FMNL1: variants seen among roughly 807,000 people sequenced by gnomAD.
FMNL1 encodes formin like 1.
A neutral mutation model predicts 121.3 loss-of-function variants in FMNL1; 43 were observed. That is an observed-to-expected ratio of 0.35 (90% CI 0.28 to 0.46). The LOEUF (loss-of-function observed/expected upper bound fraction) is 0.46. Ranked by LOEUF, FMNL1 falls within the 20% of genes least tolerant of loss-of-function variation. The pLI is 1.00. For synonymous variants in FMNL1, 613 were observed against 613.5 expected, an observed-to-expected ratio of 1.00 and a Z score of 0.01; for missense variants, 1,191 against 1,482.4, an observed-to-expected ratio of 0.80 and a Z score of 3.23.
chr17:45,241,884 G>A lies in FMNL1; in HGVS notation c.1623G>A (p.Ala541=). 7.0e-7 allele frequency: 1 copy of A among 1,427,462 alleles called. No homozygotes were observed. Among genetic ancestry groups the A allele is most frequent in the Non-Finnish European group, 9.1e-7 (1 of 1,099,148 alleles). The allele number at this position is 1,427,462 out of a possible 1,614,324, so 88.4% of individuals were successfully genotyped here. A position where few individuals can be genotyped will look rare whatever the true frequency, so the allele number is the denominator to read the frequency against. Reference sequence around the variant, plus strand: ...CAGCAGAGCCGGCTCCCGGAGCAGCGCCACCGCCGCCGCCCCCACTGCCCG... The same window carrying A: ...CAGCAGAGCCGGCTCCCGGAGCAGCACCACCGCCGCCGCCCCCACTGCCCG... ...APAAEPAPGA[A]PPPPPPLPGL... Residue 541 remains alanine (A), a synonymous_variant, in exon 15 of 27, where the codon GCG becomes GCA. Transcript: ENST00000331495. This position sits in a 1 kb window ranked among gnomAD's most constrained non-coding sequence, Gnocchi z 7.0.
chr17:45,225,313 A>G (rs62066719), intron 1 of FMNL1, among the ~76,000 whole-genome samples: 6,004 of 152,248 alleles, frequency 0.039, 153 homozygotes, highest in Non-Finnish European at 0.061. Context: ...GGCTGGCAGT[A>G]AAGGGCAGGA....
At chr17:45,243,052 T>C in intron 16 of FMNL1, 66 bp from the exon 17 acceptor site, 1 of 1,563,004 alleles carries the variant, frequency 6.4e-7, no homozygotes, top group Non-Finnish European at 8.8e-7. Context: ...TCTAGCACTG[T>C]GCTCAGCCAG....
In FMNL1 at chr17:45,233,692, T is replaced by G; in HGVS notation, c.446T>G (p.Val149Gly). Residue 149 changes from valine to glycine, a missense_variant, in exon 5 of 27, where the codon GTG becomes GGG. By Grantham distance (109) the Val-to-Gly change is moderately radical (BLOSUM62 -3). This residue lies in a region of FMNL1 where 253 missense variants were observed against 417.5 expected (regional missense o/e 0.61). Coordinates refer to ENST00000331495, the MANE Select transcript of FMNL1 (RefSeq NM_005892.4). This position sits in a 1 kb window ranked among gnomAD's most constrained non-coding sequence, Gnocchi z 4.1. ...AATGAAGAGAACCGTGGCCTGGATGTGCTGCTCGAGTACCTGGCCTTTGCC... is the reference window on the plus strand; with the variant it reads ...AATGAAGAGAACCGTGGCCTGGATGGGCTGCTCGAGTACCTGGCCTTTGCC... The part of the protein sequence containing the change: ...FLNEENRGLD[V>G]LLEYLAFAQC... 6.2e-7 allele frequency: 1 copy of G among 1,614,070 alleles called. No homozygotes were observed. The highest frequency in any genetic ancestry group is 2.2e-5 in the East Asian group (1 of 44,884).
chr17:45,246,420 T>C (rs1286092885), intron 25 of FMNL1, 85 bp from the exon 26 acceptor site: 1 of 1,612,766 alleles, frequency 6.2e-7, no homozygotes, highest in Admixed American at 1.7e-5. Flanking sequence ...GGGGACTGGC[T>C]GCCACACTGC....
chr17:45,223,079 A>G (rs1017031628), intron 1 of FMNL1, among the ~76,000 whole-genome samples: 4 of 152,152 alleles, frequency 2.6e-5, no homozygotes, highest in African/African-American at 9.7e-5. Context: ...ATAAGGCAGA[A>G]GTAGGGAGAG....
chr17:45,237,205 A>C lies in FMNL1; in HGVS notation c.724-76A>C. ...GAACTTCCTAAACTCGAGGGCAGTT[A>C]AAGATCCACGTGGCGTGGGTGCCTG... On this transcript the variant is annotated intron_variant, in intron 7 of 26. Transcript: ENST00000331495. The surrounding 1 kb of genome is among the most constrained non-coding windows in gnomAD (Gnocchi z 4.4). 1 of 1,396,546 alleles carries C rather than the reference A, an allele frequency of 7.2e-7. No individual in the cohort carries two copies. The highest frequency in any genetic ancestry group is 1.0e-6 in the Non-Finnish European group (1 of 986,962). 86.5% of individuals were successfully genotyped at this position (1,396,546 alleles called of 1,614,324 possible). A position where few individuals can be genotyped will look rare whatever the true frequency, so the allele number is the denominator to read the frequency against.
rs2143608303 is a variant in FMNL1 at position 45,243,823 on chromosome 17, T to C, written c.2246T>C (p.Leu749Pro). The change falls in exon 18 of 27, where the codon CTG becomes CCG. Residue 749 changes from leucine to proline, a missense_variant. Coordinates refer to ENST00000331495, the MANE Select transcript of FMNL1 (RefSeq NM_005892.4). ...CTGCAGGCTCTGGGCCTGGACTTCC[T>C]GGAGCTGCTGATGCGCTTCCTGCCC... Reference protein sequence around the residue: ...YDLQALGLDFLELLMRFLPTE... With the variant: ...YDLQALGLDFPELLMRFLPTE... The C allele has an allele frequency of 6.2e-7, 1 of 1,613,148 alleles. No individual in the cohort carries two copies. The highest frequency in any genetic ancestry group is 1.1e-5 in the South Asian group (1 of 91,080).
Position 45,241,362 on chromosome 17 carries a change from C to A in FMNL1, c.1333-20C>A, listed in dbSNP as rs190995602. On this transcript the variant is annotated intron_variant, in intron 13 of 26. Transcript: ENST00000331495. The surrounding 1 kb of genome is among the most constrained non-coding windows in gnomAD (Gnocchi z 7.0). ...AAGGAGCCTGCTGGTGGGCACTGAC[C>A]CCTCCCGTGGGGTTCGTAGGAGCGC... 16,003 of 1,578,064 alleles carry A rather than the reference C, an allele frequency of 0.01. 105 individuals are homozygous for A. The highest frequency in any genetic ancestry group is 0.018 in the Middle Eastern group (109 of 5,896).
In FMNL1 at chr17:45,233,610, C is replaced by T. The variant is rs2043486224; in HGVS notation, c.402-38C>T. 6.2e-7 allele frequency: 1 copy of T among 1,612,692 alleles called. No homozygotes were observed. Among genetic ancestry groups the T allele is most frequent in the African/African-American group, 1.3e-5 (1 of 74,908 alleles). On this transcript the variant is annotated intron_variant, in intron 4 of 26. Coordinates refer to ENST00000331495, the MANE Select transcript of FMNL1 (RefSeq NM_005892.4). This position sits in a 1 kb window ranked among gnomAD's most constrained non-coding sequence, Gnocchi z 4.1. The stretch of plus-strand genomic sequence containing the variant: ...TCTGTGCCCATGTGGGGCAGGACCT[C>T]CTTTCTGGCTGGAGCTCAGGGAGCC...
At position 45,241,120 on chromosome 17, in the gene FMNL1, G is replaced by C. The variant is rs2143537437; in HGVS notation, c.1231-9G>C. ...GCGGGTCGGGGCTCACCATGTGCTG[G>C]TGCTACAGCTGACAGAGCGGCTTCG... On this transcript the variant is annotated splice_polypyrimidine_tract_variant and intron_variant, in intron 12 of 26. Coordinates refer to ENST00000331495, the MANE Select transcript of FMNL1 (RefSeq NM_005892.4). This position sits in a 1 kb window ranked among gnomAD's most constrained non-coding sequence, Gnocchi z 7.0. 1 of 1,613,842 alleles carries C rather than the reference G, an allele frequency of 6.2e-7. No homozygotes were observed. Among genetic ancestry groups the C allele is most frequent in the Non-Finnish European group, 8.5e-7 (1 of 1,179,914 alleles).
At chr17:45,240,824 G>A in intron 12 of FMNL1, 199 bp downstream of exon 12, 1 of 814,612 alleles carries the variant, frequency 1.2e-6, no homozygotes, top group Admixed American at 2.9e-5. Flanking sequence ...GTGTGGGTGA[G>A]CACCCTCACT....
intron 6 of FMNL1, among the ~76,000 whole-genome samples, chr17:45,235,381 G>A (rs1306326512): frequency 2.0e-5 from 3 of 152,328 alleles, no homozygotes; most frequent in Non-Finnish European, 4.4e-5. Context: ...GGCAGCCATG[G>A]GAACAGGGAA....
chr17:45,226,808 T>C (rs1598179514), intron 1 of FMNL1, among the ~76,000 whole-genome samples: 2 of 152,152 alleles, frequency 1.3e-5, no homozygotes, highest in African/African-American at 4.8e-5. Context: ...GCTTCCACCC[T>C]GCTTGCCCTT....
chr17:45,237,595 G>A lies in FMNL1; in HGVS notation c.850G>A (p.Gly284Arg). Residue 284 changes from glycine (G) to arginine (R), a missense_variant, in exon 9 of 27, where the codon GGA (glycine) becomes AGA (arginine). This residue lies in a region of FMNL1 where 253 missense variants were observed against 417.5 expected (regional missense o/e 0.61). Coordinates refer to ENST00000331495, the MANE Select transcript of FMNL1 (RefSeq NM_005892.4). This position sits in a 1 kb window ranked among gnomAD's most constrained non-coding sequence, Gnocchi z 4.4. ...ELLAAVCLVR[G>R]GHDIILAAFD... The stretch of plus-strand genomic sequence containing the variant: ...GCTGGCGGCCGTGTGCTTGGTGCGG[G>A]GAGGACATGACATCATCCTTGCAGC... The A allele has an allele frequency of 2.5e-6, 4 of 1,614,176 alleles. No individual in the cohort carries two copies. Among genetic ancestry groups the A allele is most frequent in the Non-Finnish European group, 3.4e-6 (4 of 1,180,026 alleles).
At chr17:45,246,441 C>G (rs1380928883) in intron 25 of FMNL1, 64 bp from the exon 26 acceptor site, 1 of 1,613,324 alleles carries the variant, frequency 6.2e-7, no homozygotes, top group South Asian at 1.1e-5. Flanking sequence ...TTCTTGCTAC[C>G]TTTTCTGTTT....
chr17:45,222,569 C>G (rs937003946), intron 1 of FMNL1, among the ~76,000 whole-genome samples: 1 of 152,172 alleles, frequency 6.6e-6, no homozygotes, highest in African/African-American at 2.4e-5. Flanking sequence ...TCCCGGGTCG[C>G]CCCCTTCCCC....
At chr17:45,240,845 T>A in intron 12 of FMNL1, 1 of 755,398 alleles carries the variant, frequency 1.3e-6, no homozygotes, top group Non-Finnish European at 2.1e-6. Flanking sequence ...GACAGGCCCC[T>A]CCTCTACCCA....
In FMNL1 at chr17:45,238,687, G is replaced by A. The variant is rs750573367; in HGVS notation, c.969+49G>A. The A allele has an allele frequency of 2.5e-6, 4 of 1,610,100 alleles. No homozygotes were observed. In the East Asian group the frequency reaches 6.7e-5, roughly 27 times the overall value. On this transcript the variant is annotated intron_variant, in intron 10 of 26. Coordinates refer to ENST00000331495, the MANE Select transcript of FMNL1 (RefSeq NM_005892.4). ...TGAGGCCTGGGCCAGGCCCTCTTGGGTGCAGGGAGCAGCTAGGGTCCTGGG... is the reference window on the plus strand; with the variant it reads ...TGAGGCCTGGGCCAGGCCCTCTTGGATGCAGGGAGCAGCTAGGGTCCTGGG...
chr17:45,231,031 G>A lies in FMNL1; in HGVS notation c.213+344G>A, dbSNP rs1159909581. ...CTCTGGACTGGGGAAGGGAGAGGGCGACCCTGGGGTTGGACATCTTCACCT... is the reference window on the plus strand; with the variant it reads ...CTCTGGACTGGGGAAGGGAGAGGGCAACCCTGGGGTTGGACATCTTCACCT... On this transcript the variant is annotated intron_variant, in intron 2 of 26. Transcript: ENST00000331495. This position sits in a 1 kb window ranked among gnomAD's most constrained non-coding sequence, Gnocchi z 4.7. Among the ~76,000 whole-genome samples the A allele has an allele frequency of 6.6e-6, 1 of 152,166 alleles. No individual in the cohort carries two copies. The highest frequency in any genetic ancestry group is 2.4e-5 in the African/African-American group (1 of 41,450).
Sources: allele counts gnomAD v4.1 joint callset (sites outside exome capture counted in the v4.1 genomes callset), GRCh38; gene constraint gnomAD v4.1.1; regional missense constraint gnomAD v4.1.1; non-coding constraint Gnocchi (gnomAD v3.1); transcripts MANE v1.5; gene names NCBI Gene and HGNC (gene_info 2026-07-23, HGNC 2026-07-21).